Variants in HIPK2 observed in about 807,000 individuals in gnomAD.
HIPK2 encodes homeodomain-interacting protein kinase 2.
Under a neutral mutation model 113.7 loss-of-function variants are expected in HIPK2, and 27 were observed. That is an observed-to-expected ratio of 0.24 (90% confidence interval 0.17 to 0.33). The LOEUF is 0.33. Among genes scored for constraint, HIPK2 ranks in the 10% least tolerant of loss-of-function variants. The pLI is 1.00. For synonymous variants in HIPK2, 631 were observed against 642.2 expected (o/e 0.98, Z 0.26); for missense variants, 1,257 against 1,588.0 (o/e 0.79, Z 3.54).
chr7:139,756,048 T>G (rs1796356949), intron 1 of HIPK2, among the ~76,000 whole-genome samples: 1 of 152,242 alleles, frequency 6.6e-6, no homozygotes, highest in East Asian at 1.9e-4. Flanking sequence ...ATTTAACCAA[T>G]GAACGAATGA....
intron 1 of HIPK2, among the ~76,000 whole-genome samples, chr7:139,766,637 G>A (rs977120675): frequency 1.7e-4 from 26 of 152,166 alleles, no homozygotes; most frequent in African/African-American, 6.3e-4. Flanking sequence ...AAGCAGGGTG[G>A]CCTGCCAGTG....
intron 2 of HIPK2, among the ~76,000 whole-genome samples, chr7:139,672,818 A>AGTTT (rs1228464181): frequency 3.3e-5 from 5 of 152,082 alleles, no homozygotes; most frequent in Non-Finnish European, 7.3e-5. Flanking sequence ...CCAGAATCAT[A>AGTTT]GTTTATTTAA....
chr7:139,739,479 C>T (rs1434602074), intron 1 of HIPK2, among the ~76,000 whole-genome samples: 2 of 151,588 alleles, frequency 1.3e-5, no homozygotes, highest in African/African-American at 2.4e-5. Flanking sequence ...CCCAGCTACT[C>T]GGGAGGCTGA....
intron 2 of HIPK2, among the ~76,000 whole-genome samples, chr7:139,712,952 C>A (rs1372872087): frequency 6.6e-6 from 1 of 152,190 alleles, no homozygotes; most frequent in African/African-American, 2.4e-5. Flanking sequence ...GTCTTTCCTG[C>A]TGACCGTATT....
intron 2 of HIPK2, among the ~76,000 whole-genome samples, chr7:139,645,498 G>A (rs1801177070): frequency 6.6e-6 from 1 of 152,174 alleles, no homozygotes; most frequent in South Asian, 2.1e-4. Flanking sequence ...CTCCCCCACT[G>A]CACTGTGTGT....
chr7:139,669,861 T>C (rs1281321000), intron 2 of HIPK2, among the ~76,000 whole-genome samples: 8 of 152,208 alleles, frequency 5.3e-5, no homozygotes, highest in Non-Finnish European at 1.0e-4. Flanking sequence ...CATATGGCAA[T>C]GAGGTCAACA....
intron 2 of HIPK2, among the ~76,000 whole-genome samples, chr7:139,654,344 T>C (rs1181750476): frequency 6.6e-6 from 1 of 150,768 alleles, no homozygotes; most frequent in Non-Finnish European, 1.5e-5. Context: ...AGACTTTGTC[T>C]ACAAAAAAAA....
intron 1 of HIPK2, among the ~76,000 whole-genome samples, chr7:139,772,840 C>G (rs984619535): frequency 4.6e-5 from 7 of 151,572 alleles, no homozygotes; most frequent in Non-Finnish European, 7.4e-5. Flanking sequence ...CCCGCCTCAG[C>G]CTTCCAAAGT....
intron 12 of HIPK2, among the ~76,000 whole-genome samples, chr7:139,587,902 A>T (rs926346228): frequency 3.3e-5 from 5 of 152,122 alleles, no homozygotes; most frequent in African/African-American, 1.2e-4. Context: ...ATAAATAAAA[A>T]TAGTTAGGTA....
At position 139,749,659 on chromosome 7, in the gene HIPK2, G is replaced by C. The variant is rs530801495; in HGVS notation, c.19+27946C>G. 7.0e-4 allele frequency among the ~76,000 whole-genome samples: 107 copies of C among 152,312 alleles called. 1 individual carries two copies. Among genetic ancestry groups the C allele is most frequent in the Admixed American group, 6.9e-3 (105 of 15,300 alleles). On this transcript the variant is annotated intron_variant, in intron 1 of 14. Coordinates refer to ENST00000406875, the MANE Select transcript of HIPK2 (RefSeq NM_022740.5). ...CGCCGCTATTATCCTCGTTTGCTGG[G>C]AGAAGACTCGGGCTTAGAGCCTCTG... is the stretch of plus-strand genomic sequence containing the variant.
At position 139,571,756 on chromosome 7, in the gene HIPK2, T is replaced by A. The variant is rs753075254; in HGVS notation, c.*1171A>T. 1 of 151,992 alleles carries A rather than the reference T, an allele frequency of 6.6e-6. No homozygotes were observed. Among genetic ancestry groups the A allele is most frequent in the Non-Finnish European group, 1.5e-5 (1 of 68,014 alleles). The allele number at this position is 151,992 out of a possible 1,614,324, so 9.4% of individuals were successfully genotyped here. A position where few individuals can be genotyped will look rare whatever the true frequency, so the allele number is the denominator to read the frequency against. On this transcript the variant is annotated 3_prime_UTR_variant, in exon 15 of 15. Coordinates refer to ENST00000406875, the MANE Select transcript of HIPK2 (RefSeq NM_022740.5). ...TAGCCTCAGTTTCTTGGAGTACCAG[T>A]GGAAGTAAACCCTCACGCCGCGTCT...
At chr7:139,622,430 A>T (rs1800266622) in intron 6 of HIPK2, among the ~76,000 whole-genome samples, 1 of 152,246 alleles carries the variant, frequency 6.6e-6, no homozygotes, top group Non-Finnish European at 1.5e-5. Context: ...TTCTTTTTGG[A>T]ATGGGCTTAA....
At chr7:139,626,495 G>C (rs1269035541) in intron 6 of HIPK2, 106 bp downstream of exon 6, 1 of 1,152,908 alleles carries the variant, frequency 8.7e-7, no homozygotes, top group African/African-American at 1.5e-5. Flanking sequence ...AGTGACAGCT[G>C]AGTAGTTGTT....
At chr7:139,684,369 T>C (rs1051148985) in intron 2 of HIPK2, among the ~76,000 whole-genome samples, 3 of 152,214 alleles carry the variant, frequency 2.0e-5, no homozygotes, top group African/African-American at 7.2e-5. Context: ...TGCATGTCTC[T>C]CATTTTAAAT....
intron 2 of HIPK2, among the ~76,000 whole-genome samples, chr7:139,650,349 C>CAAAAA (rs35368461): frequency 1.0e-5 from 1 of 100,218 alleles, no homozygotes; most frequent in African/African-American, 4.2e-5. Context: ...GACTCCATCT[C>CAAAAA]AAAAAAAAAA....
rs1402314668 is a variant in HIPK2, at chr7:139,614,289, G to C, written c.1987C>G (p.Gln663Glu). 6.7e-7 allele frequency: 1 copy of C among 1,496,278 alleles called. No homozygotes were observed. Among genetic ancestry groups the C allele is most frequent in the Admixed American group, 2.0e-5 (1 of 49,476 alleles). The allele number at this position is 1,496,278 out of a possible 1,614,324, so 92.7% of individuals were successfully genotyped here. A position where few individuals can be genotyped will look rare whatever the true frequency, so the allele number is the denominator to read the frequency against. The change falls in exon 8 of 15, where the codon CAA (glutamine) becomes GAA (glutamate). Residue 663 changes from glutamine (Q) to glutamate (E), a missense_variant. Gln to Glu is a conservative substitution (Grantham distance 29). Transcript: ENST00000406875. ...QALIVCPPGF[Q>E]GLQASPSKHA... is the part of the protein sequence containing the mutation. ...GGCTGTGGCTGCTCAATCTTACCTT[G>C]GAAGCCGGGGGGACACACGATGAGA...
At chr7:139,645,441 T>C (rs1209735656) in intron 2 of HIPK2, among the ~76,000 whole-genome samples, 1 of 152,208 alleles carries the variant, frequency 6.6e-6, no homozygotes, top group African/African-American at 2.4e-5. Context: ...GAATTTCCAT[T>C]GCAGCCTAAG....
intron 2 of HIPK2, among the ~76,000 whole-genome samples, chr7:139,680,591 T>G (rs1157958880): frequency 6.6e-6 from 1 of 152,254 alleles, no homozygotes; most frequent in Non-Finnish European, 1.5e-5. Context: ...CCAGGGATTG[T>G]GTCCAAAACT....
At chr7:139,700,808 A>G (rs1003823829) in intron 2 of HIPK2, among the ~76,000 whole-genome samples, 1 of 152,120 alleles carries the variant, frequency 6.6e-6, no homozygotes, top group South Asian at 2.1e-4. Context: ...CTCTCCAAAG[A>G]AGCCCCAGCA....
Sources: allele counts gnomAD v4.1 joint callset (sites outside exome capture counted in the v4.1 genomes callset), GRCh38; gene constraint gnomAD v4.1.1; transcripts MANE v1.5; gene names NCBI Gene and HGNC (gene_info 2026-07-23, HGNC 2026-07-21).